TRABD2B: variants seen among roughly 807,000 people sequenced by gnomAD.
TRABD2B encodes the protein metalloprotease TIKI2.
In TRABD2B, 14 loss-of-function variants were observed where a neutral mutation model predicts 40.1. The observed-to-expected ratio is 0.35, with a 90% CI of 0.23 to 0.55. The LOEUF is 0.55. Among genes scored for constraint, TRABD2B ranks in the 20% least tolerant of loss-of-function variants. The pLI, the probability that TRABD2B is intolerant of heterozygous loss-of-function variation, is 0.90. For missense variants in TRABD2B, 541 were observed against 648.6 expected (o/e 0.83, Z 1.80); for synonymous variants, 263 against 277.0 (o/e 0.95, Z 0.50).
At chr1:47,817,742 T>C (rs1645053531) in intron 2 of TRABD2B, among the ~76,000 whole-genome samples, 2 of 152,094 alleles carry the variant, frequency 1.3e-5, no homozygotes, top group South Asian at 2.1e-4. Context: ...TCGCAGGACA[T>C]GCAAGGAGGC....
Position 47,857,867 on chromosome 1 carries a change from G to T in TRABD2B, c.667-56248C>A, listed in dbSNP as rs1420266504. ...GTGCAAGGACTGTGCCAAGCATTTT[G>T]TATCTTAGTTAATACGGTACCCACC... On this transcript the variant is annotated intron_variant, in intron 2 of 6. Transcript: ENST00000606738. 2.0e-5 allele frequency among the ~76,000 whole-genome samples: 3 copies of T among 151,608 alleles called. No homozygotes were observed. In the East Asian group the frequency reaches 5.8e-4, roughly 30 times the overall value.
Position 47,996,953 on chromosome 1 carries a change from G to T in TRABD2B, c.-164C>A. On this transcript the variant is annotated 5_prime_UTR_variant, in exon 1 of 7. Transcript: ENST00000606738. This position sits in a 1 kb window ranked among gnomAD's most constrained non-coding sequence, Gnocchi z 4.6. ...GCTGACTGTCCCTGTCGGACCTGGG[G>T]GTTTCTCTGGGGCCGGGCTCCGTCT... 1.8e-6 allele frequency: 2 copies of T among 1,114,490 alleles called. No homozygotes were observed. Among genetic ancestry groups the T allele is most frequent in the South Asian group, 8.9e-5 (2 of 22,430 alleles). 69.0% of individuals were successfully genotyped at this position (1,114,490 alleles called of 1,614,324 possible). A position where few individuals can be genotyped will look rare whatever the true frequency, so the allele number is the denominator to read the frequency against.
chr1:47,911,847 G>A (rs1352230435), intron 2 of TRABD2B, among the ~76,000 whole-genome samples: 1 of 152,224 alleles, frequency 6.6e-6, no homozygotes, highest in Non-Finnish European at 1.5e-5. Context: ...AACAGCAGAA[G>A]ATGAAATAAG....
At chr1:47,826,568 T>G (rs908484012) in intron 2 of TRABD2B, among the ~76,000 whole-genome samples, 3 of 152,036 alleles carry the variant, frequency 2.0e-5, no homozygotes, top group Non-Finnish European at 4.4e-5. Flanking sequence ...GGAGCCATTT[T>G]TTTGGTGGTG....
intron 2 of TRABD2B, among the ~76,000 whole-genome samples, chr1:47,883,265 T>G (rs1357733046): frequency 6.6e-6 from 1 of 152,174 alleles, no homozygotes; most frequent in Non-Finnish European, 1.5e-5. Context: ...AAGTCAGGCT[T>G]CTCCCAGAGC....
At chr1:47,987,488 C>T (rs1023221048) in intron 2 of TRABD2B, among the ~76,000 whole-genome samples, 1 of 152,176 alleles carries the variant, frequency 6.6e-6, no homozygotes. Context: ...AATTCTGAGA[C>T]TAGAATATCT....
chr1:47,778,505 C>T lies in TRABD2B; in HGVS notation c.1028G>A (p.Arg343Gln), dbSNP rs200584586. The change falls in exon 5 of 7, where the codon CGG becomes CAG. Residue 343 changes from arginine (R) to glutamine (Q), a missense_variant. Arg to Gln is a conservative substitution (Grantham distance 43). Around this residue, in one of 2 missense-constraint regions of TRABD2B, gnomAD observed 369 missense variants for 492.8 expected, o/e 0.75. Transcript: ENST00000606738. ...LGNNTVIDIL[R>Q]QAGLEVDHTP... ...GTGGTCCACCTCCAGCCCTGCCTGC[C>T]GCAGGATGTCGATGACTGTGTTGTT... 5.3e-5 allele frequency: 82 copies of T among 1,536,034 alleles called. No individual in the cohort carries two copies. The highest frequency in any genetic ancestry group is 9.8e-5 in the Admixed American group (5 of 50,982).
intron 2 of TRABD2B, among the ~76,000 whole-genome samples, chr1:47,955,850 G>A (rs1442456548): frequency 6.6e-6 from 1 of 152,184 alleles, no homozygotes; most frequent in East Asian, 1.9e-4. Flanking sequence ...GCAACCCCAG[G>A]AGGGGGACAG....
chr1:47,882,908 G>C (rs962679676), intron 2 of TRABD2B, among the ~76,000 whole-genome samples: 2 of 152,152 alleles, frequency 1.3e-5, no homozygotes, highest in African/African-American at 4.8e-5. Context: ...ATTGGGAGAG[G>C]AGTCCTGGAG....
chr1:47,905,443 G>A (rs1198651681), intron 2 of TRABD2B, among the ~76,000 whole-genome samples: 1 of 152,146 alleles, frequency 6.6e-6, no homozygotes, highest in Non-Finnish European at 1.5e-5. Context: ...CCTGTTTCTG[G>A]TTGAGGTTCT....
intron 2 of TRABD2B, among the ~76,000 whole-genome samples, chr1:47,916,120 G>A (rs976199024): frequency 1.3e-4 from 19 of 143,894 alleles, no homozygotes; most frequent in Admixed American, 4.8e-4. Flanking sequence ...GACAATGGCT[G>A]CTCGCCTGCT....
At chr1:47,776,741 G>T (rs770343065) in intron 5 of TRABD2B, among the ~76,000 whole-genome samples, 1 of 152,104 alleles carries the variant, frequency 6.6e-6, no homozygotes, top group Admixed American at 6.5e-5. Context: ...CAGGCAGGCC[G>T]TCTTCCCAGC....
chr1:47,842,817 T>C (rs1332270941), intron 2 of TRABD2B, among the ~76,000 whole-genome samples: 1 of 152,206 alleles, frequency 6.6e-6, no homozygotes, highest in Non-Finnish European at 1.5e-5. Flanking sequence ...AACAAGTGGA[T>C]ACTTGGTGTG....
chr1:47,935,642 T>C (rs1180278806), intron 2 of TRABD2B, among the ~76,000 whole-genome samples: 2 of 152,202 alleles, frequency 1.3e-5, no homozygotes, highest in Admixed American at 6.5e-5. Context: ...AAGATAGGAC[T>C]GCAGGAAAAA....
At chr1:47,861,035 T>C (rs1197537950) in intron 2 of TRABD2B, among the ~76,000 whole-genome samples, 1 of 152,222 alleles carries the variant, frequency 6.6e-6, no homozygotes, top group East Asian at 1.9e-4. Flanking sequence ...TTAGCCTTGG[T>C]GATCATCTCT....
chr1:47,873,565 G>A (rs1385239593), intron 2 of TRABD2B, among the ~76,000 whole-genome samples: 1 of 152,198 alleles, frequency 6.6e-6, no homozygotes, highest in African/African-American at 2.4e-5. Flanking sequence ...GACAACGAGG[G>A]AAGCAGGGTG....
rs1000946150 is a variant in TRABD2B, at chr1:47,903,068, G to A, written c.666+90966C>T. 2.8e-4 allele frequency among the ~76,000 whole-genome samples: 42 copies of A among 152,076 alleles called. 1 individual carries two copies. The highest frequency in any genetic ancestry group is 9.4e-4 in the African/African-American group (39 of 41,392). On this transcript the variant is annotated intron_variant, in intron 2 of 6. Coordinates refer to ENST00000606738, the MANE Select transcript of TRABD2B (RefSeq NM_001194986.2). ...TCAAGAGTCACCTCCCTGGAGGAGT[G>A]TTCCCAAGGCTGAGTGAGATGCCTC...
chr1:47,860,886 G>A (rs1643957051), intron 2 of TRABD2B, among the ~76,000 whole-genome samples: 3 of 152,182 alleles, frequency 2.0e-5, no homozygotes, highest in Non-Finnish European at 4.4e-5. Context: ...CTAGAAGCCA[G>A]CACCATGTCC....
At chr1:47,866,992 C>T (rs1028171872) in intron 2 of TRABD2B, among the ~76,000 whole-genome samples, 7 of 152,094 alleles carry the variant, frequency 4.6e-5, no homozygotes, top group Admixed American at 4.6e-4. Flanking sequence ...TAGGAGGAGG[C>T]CGCCCTACAC....
Sources: allele counts gnomAD v4.1 joint callset (sites outside exome capture counted in the v4.1 genomes callset), GRCh38; gene constraint gnomAD v4.1.1; regional missense constraint gnomAD v4.1.1; non-coding constraint Gnocchi (gnomAD v3.1); transcripts MANE v1.5; gene names NCBI Gene and HGNC (gene_info 2026-07-23, HGNC 2026-07-21).